LRRC14: variants seen among roughly 807,000 people sequenced by gnomAD.
The protein encoded by LRRC14 is leucine-rich repeat-containing protein 14.
In LRRC14, 16 loss-of-function variants were observed where a neutral mutation model predicts 25.3. The observed-to-expected ratio is 0.63, with a 90% CI of 0.43 to 0.96. LRRC14 has a LOEUF of 0.96. Ranked by LOEUF, LRRC14 falls within the 40% of genes least tolerant of loss-of-function variation. The probability of loss-of-function intolerance (pLI) is 0.00; values close to 1 mark genes in which losing one functional copy is unlikely to be tolerated. For synonymous variants in LRRC14, 359 were observed against 295.1 expected (o/e 1.22, Z -2.22); for missense variants, 594 against 660.5 (o/e 0.90, Z 1.10).
In LRRC14 at chr8:144,524,490, G is replaced by T. The variant is rs1224660412; in HGVS notation, c.*3012G>T. ...CAGCAGCCGCGCCAGCTGGTTGCCC[G>T]CCAGGTAGAGCACGCGCAGCTGGGC... On this transcript the variant is annotated 3_prime_UTR_variant, in exon 4 of 4. Coordinates refer to ENST00000292524, the MANE Select transcript of LRRC14 (RefSeq NM_014665.4). The T allele has an allele frequency of 1.6e-5, 26 of 1,597,436 alleles. No individual in the cohort carries two copies. Among genetic ancestry groups the T allele is most frequent in the Non-Finnish European group, 2.2e-5 (26 of 1,179,730 alleles).
At position 144,524,807 on chromosome 8, in the gene LRRC14, G is replaced by T; in HGVS notation, c.*3329G>T. The stretch of plus-strand genomic sequence containing the variant: ...ACCCCGTCCTCCCGCAGCTCCACAC[G>T]GTGCCCACCTGCGTCCCTGGCGGGA... On this transcript the variant is annotated 3_prime_UTR_variant, in exon 4 of 4. Coordinates refer to ENST00000292524, the MANE Select transcript of LRRC14 (RefSeq NM_014665.4). The T allele has an allele frequency of 1.4e-6, 2 of 1,450,434 alleles. No homozygotes were observed. The highest frequency in any genetic ancestry group is 1.4e-5 in the South Asian group (1 of 73,350). The allele number at this position is 1,450,434 out of a possible 1,614,324, so 89.8% of individuals were successfully genotyped here.
chr8:144,524,857 G>T lies in LRRC14; in HGVS notation c.*3379G>T, dbSNP rs1282898966. ...ATTCCCAGCGGGACGACGCGCAACC[G>T]CAGGGCGCCACACTCCACCGTGGCG... is the stretch of plus-strand genomic sequence containing the variant. On this transcript the variant is annotated 3_prime_UTR_variant, in exon 4 of 4. Transcript: ENST00000292524. 2 of 1,493,890 alleles carry T rather than the reference G, an allele frequency of 1.3e-6. No homozygotes were observed. The highest frequency in any genetic ancestry group is 4.4e-5 in the Admixed American group (2 of 45,930). The allele number at this position is 1,493,890 out of a possible 1,614,324, so 92.5% of individuals were successfully genotyped here. A position where few individuals can be genotyped will look rare whatever the true frequency, so the allele number is the denominator to read the frequency against.
chr8:144,519,402 A>T (rs932345424), intron 1 of LRRC14: 38 of 455,078 alleles, frequency 8.4e-5, no homozygotes, highest in Non-Finnish European at 1.4e-4. Flanking sequence ...CTGCAAGGCA[A>T]CAGGCATCTG....
chr8:144,523,198 C>G lies in LRRC14; in HGVS notation c.*1720C>G. 2 of 1,609,702 alleles carry G rather than the reference C, an allele frequency of 1.2e-6. No homozygotes were observed. Among genetic ancestry groups the G allele is most frequent in the Non-Finnish European group, 8.5e-7 (1 of 1,178,670 alleles). On this transcript the variant is annotated 3_prime_UTR_variant, in exon 4 of 4. Coordinates refer to ENST00000292524, the MANE Select transcript of LRRC14 (RefSeq NM_014665.4). Reference sequence around the variant, plus strand: ...GGCAGGCAACCCGCAGGTCCTCACCCAGGTTGGCTGTGAGCTCCAGCGGCT... The same window carrying G: ...GGCAGGCAACCCGCAGGTCCTCACCGAGGTTGGCTGTGAGCTCCAGCGGCT...
rs1182359729 is a variant in LRRC14, at chr8:144,522,480, A to G, written c.*1002A>G. 3 of 1,483,500 alleles carry G rather than the reference A, an allele frequency of 2.0e-6. No individual in the cohort carries two copies. The highest frequency in any genetic ancestry group is 2.8e-5 in the East Asian group (1 of 36,038). The allele number at this position is 1,483,500 out of a possible 1,614,324, so 91.9% of individuals were successfully genotyped here. A position where few individuals can be genotyped will look rare whatever the true frequency, so the allele number is the denominator to read the frequency against. On this transcript the variant is annotated 3_prime_UTR_variant, in exon 4 of 4. Coordinates refer to ENST00000292524, the MANE Select transcript of LRRC14 (RefSeq NM_014665.4). ...TCATCCGCGCGCCCGCGGCCCTAGC[A>G]GTGGATCTCGTAGGCGACCGGCGGG...
rs1275026099 is a variant in LRRC14, at chr8:144,523,724, C to T, written c.*2246C>T. On this transcript the variant is annotated 3_prime_UTR_variant, in exon 4 of 4. Transcript: ENST00000292524. ...CTGTTTTTAGGAACCTGGGCGTCCA[C>T]ATAGACATCTCACCAGCACTGAAAC... is the stretch of plus-strand genomic sequence containing the variant. The T allele has an allele frequency of 1.9e-5, 8 of 416,400 alleles. No individual in the cohort carries two copies. In the East Asian group the frequency reaches 2.7e-4, roughly 14 times the overall value. The allele number at this position is 416,400 out of a possible 1,614,324, so 25.8% of individuals were successfully genotyped here.
Position 144,522,491 on chromosome 8 carries a change from T to A in LRRC14, c.*1013T>A. ...CCCGCGGCCCTAGCAGTGGATCTCG[T>A]AGGCGACCGGCGGGGGCACGCGGAG... On this transcript the variant is annotated 3_prime_UTR_variant, in exon 4 of 4. Transcript: ENST00000292524. 6.7e-7 allele frequency: 1 copy of A among 1,493,136 alleles called. No homozygotes were observed. Among genetic ancestry groups the A allele is most frequent in the South Asian group, 1.3e-5 (1 of 76,920 alleles). The allele number at this position is 1,493,136 out of a possible 1,614,324, so 92.5% of individuals were successfully genotyped here.
At position 144,524,061 on chromosome 8, in the gene LRRC14, A is replaced by G; in HGVS notation, c.*2583A>G. On this transcript the variant is annotated 3_prime_UTR_variant, in exon 4 of 4. Transcript: ENST00000292524. ...CCCTCCACACATGAGCCTGCTCCCT[A>G]CTGCCAACACCGTGGCCCAGACAGA... 1.3e-6 allele frequency: 2 copies of G among 1,576,998 alleles called. No individual in the cohort carries two copies. The highest frequency in any genetic ancestry group is 1.7e-6 in the Non-Finnish European group (2 of 1,156,882).
Position 144,519,998 on chromosome 8 carries a change from G to T in LRRC14, c.273G>T (p.Gly91=). The T allele has an allele frequency of 6.2e-7, 1 of 1,611,826 alleles. No homozygotes were observed. The highest frequency in any genetic ancestry group is 8.5e-7 in the Non-Finnish European group (1 of 1,179,940). The part of the protein sequence containing the change: ...STESMQAVIL[G]LTARLHTSEP... ...AGAGCATGCAGGCTGTTATCCTGGG[G>T]CTGACTGCCCGGCTCCACACCTCAG... Residue 91 remains glycine, a synonymous_variant, in exon 2 of 4, where the codon GGG becomes GGT. Coordinates refer to ENST00000292524, the MANE Select transcript of LRRC14 (RefSeq NM_014665.4).
rs139936408 is a variant in LRRC14 at position 144,523,222 on chromosome 8, C to T, written c.*1744C>T. The stretch of plus-strand genomic sequence containing the variant: ...CCAGGTTGGCTGTGAGCTCCAGCGG[C>T]TGCACGTGGACAGAGGGCGGAATGC... On this transcript the variant is annotated 3_prime_UTR_variant, in exon 4 of 4. Transcript: ENST00000292524. The T allele has an allele frequency of 5.6e-6, 9 of 1,609,578 alleles. No homozygotes were observed. The African/African-American group carries it at 1.1e-4, about 19-fold the overall frequency.
Position 144,524,681 on chromosome 8 carries a change from C to A in LRRC14, c.*3203C>A. On this transcript the variant is annotated 3_prime_UTR_variant, in exon 4 of 4. Transcript: ENST00000292524. ...CGGCGAGTGGCGCCAGGGCTCCCGG[C>A]TCTAGGCGGGCGATGTTGTTGTCCT... The A allele has an allele frequency of 6.8e-7, 1 of 1,475,940 alleles. No individual in the cohort carries two copies. Among genetic ancestry groups the A allele is most frequent in the Admixed American group, 2.6e-5 (1 of 37,822 alleles). The allele number at this position is 1,475,940 out of a possible 1,614,324, so 91.4% of individuals were successfully genotyped here.
At position 144,523,893 on chromosome 8, in the gene LRRC14, C is replaced by CT; in HGVS notation, c.*2416dup. 1 of 603,836 alleles carries CT rather than the reference C, an allele frequency of 1.7e-6. No homozygotes were observed. The highest frequency in any genetic ancestry group is 2.9e-6 in the Non-Finnish European group (1 of 345,922). The allele number at this position is 603,836 out of a possible 1,614,324, so 37.4% of individuals were successfully genotyped here. ...GAACCCTCAATTCTGTTAAGTCACC[C>CT]TGTGGAGTTCCTGTCTTCTGTTTTC... is the stretch of plus-strand genomic sequence containing the variant. On this transcript the variant is annotated 3_prime_UTR_variant, in exon 4 of 4. Coordinates refer to ENST00000292524, the MANE Select transcript of LRRC14 (RefSeq NM_014665.4).
In LRRC14 at chr8:144,524,863, C is replaced by T. The variant is rs372183102; in HGVS notation, c.*3385C>T. Reference sequence around the variant, plus strand: ...AGCGGGACGACGCGCAACCGCAGGGCGCCACACTCCACCGTGGCGCTGTAG... The same window carrying T: ...AGCGGGACGACGCGCAACCGCAGGGTGCCACACTCCACCGTGGCGCTGTAG... On this transcript the variant is annotated 3_prime_UTR_variant, in exon 4 of 4. Coordinates refer to ENST00000292524, the MANE Select transcript of LRRC14 (RefSeq NM_014665.4). The T allele has an allele frequency of 2.7e-6, 4 of 1,504,824 alleles. No individual in the cohort carries two copies. In the African/African-American group the frequency reaches 4.2e-5, roughly 16 times the overall value. The allele number at this position is 1,504,824 out of a possible 1,614,324, so 93.2% of individuals were successfully genotyped here.
chr8:144,523,272 C>T lies in LRRC14; in HGVS notation c.*1794C>T, dbSNP rs753376291. The T allele has an allele frequency of 6.2e-7, 1 of 1,610,920 alleles. No homozygotes were observed. Among genetic ancestry groups the T allele is most frequent in the East Asian group, 2.2e-5 (1 of 44,792 alleles). On this transcript the variant is annotated 3_prime_UTR_variant, in exon 4 of 4. Transcript: ENST00000292524. ...CAGATGAGGCTGCTGTGGGATACGT[C>T]CAGGAGACTCTGGAGCGCCAGGCGC... is the stretch of plus-strand genomic sequence containing the variant.
rs1816231004 is a variant in LRRC14, at chr8:144,523,784, C to T, written c.*2306C>T. The T allele has an allele frequency of 4.8e-6, 2 of 414,714 alleles. No individual in the cohort carries two copies. Among genetic ancestry groups the T allele is most frequent in the East Asian group, 3.9e-5 (1 of 25,446 alleles). The allele number at this position is 414,714 out of a possible 1,614,324, so 25.7% of individuals were successfully genotyped here. A position where few individuals can be genotyped will look rare whatever the true frequency, so the allele number is the denominator to read the frequency against. On this transcript the variant is annotated 3_prime_UTR_variant, in exon 4 of 4. Coordinates refer to ENST00000292524, the MANE Select transcript of LRRC14 (RefSeq NM_014665.4). ...CCTCTCAGCCTTGCCTTTGGATGCC[C>T]TCTCTTGGGAATGTCCCCAGTCCTG...
chr8:144,519,432 A>C, intron 1 of LRRC14, 183 bp from the exon 2 acceptor site: 1 of 514,822 alleles, frequency 1.9e-6, no homozygotes, highest in Non-Finnish European at 3.5e-6. Context: ...TACCCAAGCA[A>C]GCGAGTTGTT....
Position 144,523,862 on chromosome 8 carries a change from T to C in LRRC14, c.*2384T>C, listed in dbSNP as rs1816234941. On this transcript the variant is annotated 3_prime_UTR_variant, in exon 4 of 4. Coordinates refer to ENST00000292524, the MANE Select transcript of LRRC14 (RefSeq NM_014665.4). The stretch of plus-strand genomic sequence containing the variant: ...TGTCTGCCTCCCCTCAGCCTAAAAG[T>C]GTGCAGAACCCTCAATTCTGTTAAG... 1.9e-6 allele frequency: 1 copy of C among 532,648 alleles called. No homozygotes were observed. Among genetic ancestry groups the C allele is most frequent in the African/African-American group, 1.9e-5 (1 of 52,398 alleles). 33.0% of individuals were successfully genotyped at this position (532,648 alleles called of 1,614,324 possible).
At position 144,520,960 on chromosome 8, in the gene LRRC14, C is replaced by A. The variant is rs772316911; in HGVS notation, c.964C>A (p.Leu322Met). The A allele has an allele frequency of 3.7e-6, 6 of 1,612,892 alleles. No homozygotes were observed. The highest frequency in any genetic ancestry group is 5.1e-6 in the Non-Finnish European group (6 of 1,180,036). ...ESLELAFCAL[L>M]PEDLRFLARS... ...CCTGGAGTTGGCCTTCTGTGCTCTG[C>A]TGCCTGAGGACCTACGCTTCCTGGC... The change falls in exon 4 of 4, where the codon CTG (leucine) becomes ATG (methionine). Residue 322 changes from leucine (L) to methionine (M), a missense_variant. Transcript: ENST00000292524.
rs1240403490 is a variant in LRRC14, at chr8:144,524,304, G to A, written c.*2826G>A. On this transcript the variant is annotated 3_prime_UTR_variant, in exon 4 of 4. Transcript: ENST00000292524. ...CTGAAGTAAGGACAGCAGATCGTGA[G>A]GAAAAAGGGCGCCGAGGTTGGGGGC... is the stretch of plus-strand genomic sequence containing the variant. 1.2e-6 allele frequency: 2 copies of A among 1,608,000 alleles called. No individual in the cohort carries two copies. The highest frequency in any genetic ancestry group is 1.7e-6 in the Non-Finnish European group (2 of 1,179,688).
Sources: allele counts gnomAD v4.1 joint callset, GRCh38; gene constraint gnomAD v4.1.1; transcripts MANE v1.5; gene names NCBI Gene and HGNC (gene_info 2026-07-23, HGNC 2026-07-21).